PLAGL1: variants seen among roughly 807,000 people sequenced by gnomAD.
PLAGL1 encodes the protein PLAG1 like zinc finger 1, also known as zinc finger protein PLAGL1.
In PLAGL1, 1 loss-of-function variant was observed where a neutral mutation model predicts 4.6. The observed-to-expected ratio is 0.22, with a 90% CI of 0.08 to 1.03. The LOEUF (loss-of-function observed/expected upper bound fraction) is 1.03, where lower values mean the gene tolerates loss of function less well. Among genes scored for constraint, PLAGL1 ranks in the 50% least tolerant of loss-of-function variants. The pLI is 0.58. For missense variants in PLAGL1, 464 were observed against 570.4 expected, an observed-to-expected ratio of 0.81 and a Z score of 1.90; for synonymous variants, 240 against 237.8, an observed-to-expected ratio of 1.01 and a Z score of -0.08.
At chr6:144,025,391 T>C (rs1001894449) in intron 1 of PLAGL1, among the ~76,000 whole-genome samples, 1 of 152,108 alleles carries the variant, frequency 6.6e-6, no homozygotes, top group Non-Finnish European at 1.5e-5. Context: ...TAGGGGAAAA[T>C]GACTGGAATC....
In PLAGL1 at chr6:143,975,290, G is replaced by A. The variant is rs1453233467; in HGVS notation, c.-543-6312C>T. Among the ~76,000 whole-genome samples, 1 of 152,122 alleles carries A rather than the reference G, an allele frequency of 6.6e-6. No individual in the cohort carries two copies. ...GGGTTGTACCACTTCCATTCAATGA[G>A]GTAGTTGCTTAAGAGTATGGACTCT... On this transcript the variant is annotated intron_variant, in intron 2 of 7. Transcript: ENST00000674357. The surrounding 1 kb of genome is among the most constrained non-coding windows in gnomAD (Gnocchi z 5.8).
intron 1 of PLAGL1, among the ~76,000 whole-genome samples, chr6:144,023,483 G>A (rs1387408945): frequency 6.6e-6 from 1 of 152,164 alleles, no homozygotes; most frequent in Non-Finnish European, 1.5e-5. Flanking sequence ...GGGAAAAAAA[G>A]GTGCTGATCT....
intron 1 of PLAGL1, among the ~76,000 whole-genome samples, chr6:144,023,768 CTTTTTTTTTTTTT>C (rs34002736): frequency 2.8e-5 from 2 of 72,638 alleles, no homozygotes; most frequent in Non-Finnish European, 5.1e-5. Context: ...TCATATTTAG[CTTTTTTTTTTTTT>C]TTTTTTTTTT....
chr6:144,040,359 G>A (rs1267287354), intron 1 of PLAGL1, among the ~76,000 whole-genome samples: 1 of 150,464 alleles, frequency 6.6e-6, no homozygotes, highest in African/African-American at 2.4e-5. Context: ...TGAAATCCTG[G>A]CTCTATTAAA....
rs1780074154 is a variant in PLAGL1, at chr6:143,947,669, T to A, written c.152+316A>T. On this transcript the variant is annotated intron_variant, in intron 7 of 7. Coordinates refer to ENST00000674357, the MANE Select transcript of PLAGL1 (RefSeq NM_001317162.2). This position sits in a 1 kb window ranked among gnomAD's most constrained non-coding sequence, Gnocchi z 4.3. ...GTTTCATCAGGCAGTGAAGAACAAC[T>A]TCTACCACCTGTATAGCTCTGTCAA... Among the ~76,000 whole-genome samples the A allele has an allele frequency of 6.6e-6, 1 of 152,220 alleles. No homozygotes were observed. The highest frequency in any genetic ancestry group is 2.1e-4 in the South Asian group (1 of 4,836).
At position 144,036,184 on chromosome 6, in the gene PLAGL1, G is replaced by A. The variant is rs1562596519; in HGVS notation, c.-151+28284C>T. ...GCTCACTAATGCTTAGGGGCCTGAG[G>A]AGAAGTCTTTTATGCCCAGAAATGA... On this transcript the variant is annotated intron_variant, in intron 1 of 3. Transcript: ENST00000437412. The surrounding 1 kb of genome is among the most constrained non-coding windows in gnomAD (Gnocchi z 5.1). Among the ~76,000 whole-genome samples the A allele has an allele frequency of 6.6e-6, 1 of 152,170 alleles. No individual in the cohort carries two copies. Among genetic ancestry groups the A allele is most frequent in the Non-Finnish European group, 1.5e-5 (1 of 68,032 alleles).
chr6:144,010,900 C>G (rs1358607609), upstream of PLAGL1, among the ~76,000 whole-genome samples: 1 of 152,144 alleles, frequency 6.6e-6, no homozygotes, highest in African/African-American at 2.4e-5. This position sits in a 1 kb window ranked among gnomAD's most constrained non-coding sequence, Gnocchi z 4.1. Flanking sequence ...ACTGGTTAGC[C>G]ATATGCAGAA....
chr6:144,045,161 T>C (rs1224139410), intron 1 of PLAGL1, among the ~76,000 whole-genome samples: 2 of 152,136 alleles, frequency 1.3e-5, no homozygotes, highest in East Asian at 1.9e-4. Flanking sequence ...TGTCTTTTAA[T>C]TGGGGAATTT....
chr6:144,062,398 G>A (rs1308046363), intron 1 of PLAGL1, among the ~76,000 whole-genome samples: 3 of 136,222 alleles, frequency 2.2e-5, no homozygotes, highest in Non-Finnish European at 3.1e-5. Flanking sequence ...AAAAAAGAGA[G>A]AGACATCATG....
chr6:144,054,776 A>AGTGT (rs55975441), intron 1 of PLAGL1, among the ~76,000 whole-genome samples: 5,647 of 142,142 alleles, frequency 0.04, 106 homozygotes, highest in South Asian at 0.054. Flanking sequence ...ACTAAAAAAG[A>AGTGT]GTGTGTGTGT....
chr6:144,046,706 A>G (rs1798180340), intron 1 of PLAGL1, among the ~76,000 whole-genome samples: 1 of 152,098 alleles, frequency 6.6e-6, no homozygotes, highest in Non-Finnish European at 1.5e-5. Flanking sequence ...TGCTGGGAGA[A>G]CCACTGCTCT....
At chr6:144,054,562 C>A (rs6901681) in intron 1 of PLAGL1, among the ~76,000 whole-genome samples, 7,172 of 152,070 alleles carry the variant, frequency 0.047, 560 homozygotes, top group African/African-American at 0.16. Context: ...AACACATGGA[C>A]AGAGAGAGGG....
rs1279378024 is a variant in PLAGL1, at chr6:144,061,424, T to C, written c.-151+3044A>G. 6.6e-6 allele frequency among the ~76,000 whole-genome samples: 1 copy of C among 152,230 alleles called. No individual in the cohort carries two copies. On this transcript the variant is annotated intron_variant, in intron 1 of 3. Transcript: ENST00000437412. The surrounding 1 kb of genome is among the most constrained non-coding windows in gnomAD (Gnocchi z 4.4). Reference sequence around the variant, plus strand: ...ACAAGAGAGCAGCCACTCCTGAATGTGGCCTTTTCACAGCCAGGTGCCTCT... The same window carrying C: ...ACAAGAGAGCAGCCACTCCTGAATGCGGCCTTTTCACAGCCAGGTGCCTCT...
In PLAGL1 at chr6:144,050,124, CTTTGAG is replaced by C. The variant is rs763397663; in HGVS notation, c.-151+14338_-151+14343del. On this transcript the variant is annotated intron_variant, in intron 1 of 3. Coordinates refer to the PLAGL1 transcript ENST00000437412. This position sits in a 1 kb window ranked among gnomAD's most constrained non-coding sequence, Gnocchi z 4.3. Reference sequence around the variant, plus strand: ...TCATGAAAGCAAGTAAGGGTGCTTACTTTGAGTTTAACTCAAAATATTTATGTGTCT... The same window carrying C: ...TCATGAAAGCAAGTAAGGGTGCTTACTTTAACTCAAAATATTTATGTGTCT... Among the ~76,000 whole-genome samples the C allele has an allele frequency of 1.3e-5, 2 of 152,176 alleles. No homozygotes were observed. The highest frequency in any genetic ancestry group is 4.1e-4 in the South Asian group (2 of 4,822).
chr6:144,044,602 T>A (rs191756612), intron 1 of PLAGL1, among the ~76,000 whole-genome samples: 1 of 151,802 alleles, frequency 6.6e-6, no homozygotes, highest in Non-Finnish European at 1.5e-5. Flanking sequence ...TTCCAACTGG[T>A]CAACTTTGGA....
rs1787255472 is a variant in PLAGL1, at chr6:143,978,757, G to A, written c.-544+6378C>T. 6.6e-6 allele frequency among the ~76,000 whole-genome samples: 1 copy of A among 152,014 alleles called. No individual in the cohort carries two copies. Among genetic ancestry groups the A allele is most frequent in the Non-Finnish European group, 1.5e-5 (1 of 67,966 alleles). On this transcript the variant is annotated intron_variant, in intron 2 of 7. Transcript: ENST00000674357. The surrounding 1 kb of genome is among the most constrained non-coding windows in gnomAD (Gnocchi z 4.6). ...ATGGTCTATCTTGAAAAATGTTCTG[G>A]CTATGCTTGGAAAAAGTGTGCAGTT...
At chr6:144,001,068 A>T (rs1224691845) in intron 1 of PLAGL1, among the ~76,000 whole-genome samples, 1 of 152,094 alleles carries the variant, frequency 6.6e-6, no homozygotes, top group Non-Finnish European at 1.5e-5. Flanking sequence ...ATCCTCCAAT[A>T]AAAGGAATCA....
chr6:144,007,369 G>C (rs1794465532), intron 1 of PLAGL1: 1 of 152,210 alleles, frequency 6.6e-6, no homozygotes, highest in Admixed American at 6.5e-5. Context: ...GATCCTGCCT[G>C]GGAGGGAGGG....
rs972424316 is a variant in PLAGL1, at chr6:144,059,740, G to A, written c.-151+4728C>T. ...CTTGTCACTGGCTGCATTAAGCTTT[G>A]TCTTGCCATTAATAATATTTTCCAT... is the stretch of plus-strand genomic sequence containing the variant. On this transcript the variant is annotated intron_variant, in intron 1 of 3. Transcript: ENST00000437412. The surrounding 1 kb of genome is among the most constrained non-coding windows in gnomAD (Gnocchi z 4.9). Among the ~76,000 whole-genome samples, 1 of 152,152 alleles carries A rather than the reference G, an allele frequency of 6.6e-6. No homozygotes were observed. Among genetic ancestry groups the A allele is most frequent in the African/African-American group, 2.4e-5 (1 of 41,426 alleles).
Sources: gnomAD v4.1 joint callset for allele counts (sites outside exome capture counted in the v4.1 genomes callset) on GRCh38, gnomAD v4.1.1 for gene constraint, Gnocchi (gnomAD v3.1) non-coding constraint, MANE v1.5 for transcripts, NCBI Gene and HGNC (gene_info 2026-07-23, HGNC 2026-07-21) for gene names.